Variants in PCDH9 observed in about 807,000 individuals in gnomAD.
The protein encoded by PCDH9 is protocadherin 9.
PCDH9 carries 24 observed loss-of-function variants against 70.6 expected under a neutral mutation model. The observed-to-expected ratio is 0.34, with a 90% confidence interval of 0.25 to 0.48. The LOEUF is 0.48. Ranked by LOEUF, PCDH9 falls within the 20% of genes least tolerant of loss-of-function variation. The pLI is 0.99. For synonymous variants in PCDH9, 562 were observed against 558.5 expected, an observed-to-expected ratio of 1.01 and a Z score of -0.09; for missense variants, 1,281 against 1,503.6, an observed-to-expected ratio of 0.85 and a Z score of 2.45.
chr13:66,312,043 G>GA (rs1955570468), intron 4 of PCDH9, among the ~76,000 whole-genome samples: 1 of 152,078 alleles, frequency 6.6e-6, no homozygotes, highest in Non-Finnish European at 1.5e-5. Flanking sequence ...GAATCGATAG[G>GA]AAAATCTCAA....
chr13:66,635,757 G>A (rs1401417473), intron 3 of PCDH9, among the ~76,000 whole-genome samples: 1 of 151,978 alleles, frequency 6.6e-6, no homozygotes, highest in African/African-American at 2.4e-5. Context: ...ATTCACAAGT[G>A]AATGACTCAC....
chr13:66,573,433 C>T (rs2076764398), intron 4 of PCDH9, among the ~76,000 whole-genome samples: 1 of 152,044 alleles, frequency 6.6e-6, no homozygotes. Flanking sequence ...GTATTAACCC[C>T]TTCTGAATCC....
intron 2 of PCDH9, chr13:67,207,919 A>G (rs1438029333): frequency 6.6e-6 from 1 of 152,174 alleles, no homozygotes; most frequent in Non-Finnish European, 1.5e-5. Context: ...CTTTTGTTCC[A>G]ATTCCTAATG....
intron 2 of PCDH9, among the ~76,000 whole-genome samples, chr13:67,147,071 T>C (rs1471911899): frequency 6.6e-6 from 1 of 152,194 alleles, no homozygotes; most frequent in Non-Finnish European, 1.5e-5. Context: ...AAAGATGCTC[T>C]AATGGACTGT....
intron 2 of PCDH9, among the ~76,000 whole-genome samples, chr13:67,165,775 A>G (rs1042100862): frequency 2.0e-5 from 3 of 152,226 alleles, no homozygotes; most frequent in African/African-American, 7.2e-5. Flanking sequence ...TATTTTAAAA[A>G]TACAAGTTTA....
intron 4 of PCDH9, among the ~76,000 whole-genome samples, chr13:66,596,966 G>A (rs73194761): frequency 0.16 from 24,491 of 150,572 alleles, 2,160 homozygotes; most frequent in Middle Eastern, 0.23. Context: ...TATGTATAGC[G>A]TTAGGTAGGG....
chr13:67,147,787 C>G (rs1461598838), intron 2 of PCDH9, among the ~76,000 whole-genome samples: 1 of 152,124 alleles, frequency 6.6e-6, no homozygotes, highest in Non-Finnish European at 1.5e-5. Flanking sequence ...CAGGAGAATG[C>G]CTTTGCAGAT....
At chr13:66,969,682 G>A (rs938816893) in intron 2 of PCDH9, among the ~76,000 whole-genome samples, 20 of 151,780 alleles carry the variant, frequency 1.3e-4, no homozygotes, top group African/African-American at 4.6e-4. Context: ...TCTCAGAAAC[G>A]TTTGTGCTTT....
At chr13:66,397,360 G>C (rs547426552) in intron 4 of PCDH9, among the ~76,000 whole-genome samples, 4 of 151,824 alleles carry the variant, frequency 2.6e-5, no homozygotes, top group Non-Finnish European at 4.4e-5. Context: ...TCAAGGCTTC[G>C]GTGAGCTGTG....
chr13:66,780,441 T>C (rs1222893192), intron 3 of PCDH9, among the ~76,000 whole-genome samples: 5 of 152,194 alleles, frequency 3.3e-5, no homozygotes. Flanking sequence ...ACTGCATGAC[T>C]CTGCTGTTGC....
rs145266354 is a variant in PCDH9 at position 66,385,373 on chromosome 13, A to T, written c.3341-80345T>A. 2.1e-3 allele frequency among the ~76,000 whole-genome samples: 320 copies of T among 152,300 alleles called. 1 individual carries two copies. The highest frequency in any genetic ancestry group is 7.2e-3 in the African/African-American group (299 of 41,572). On this transcript the variant is annotated intron_variant, in intron 4 of 4. Transcript: ENST00000377865. ...GAAGAATATGTGCACTGGATATCAGAAAAGGTAAAAAACTAATACATATAA... is the reference window on the plus strand; with the variant it reads ...GAAGAATATGTGCACTGGATATCAGTAAAGGTAAAAAACTAATACATATAA...
At chr13:66,321,419 G>T (rs977796103) in intron 4 of PCDH9, among the ~76,000 whole-genome samples, 1 of 151,976 alleles carries the variant, frequency 6.6e-6, no homozygotes. Flanking sequence ...ATGGAATCCA[G>T]GTGATTGAGC....
intron 3 of PCDH9, among the ~76,000 whole-genome samples, chr13:66,873,884 C>G (rs1454854318): frequency 6.6e-6 from 1 of 150,802 alleles, no homozygotes; most frequent in African/African-American, 2.4e-5. Flanking sequence ...TAAGGTCAAT[C>G]ACATCATTAC....
chr13:66,622,307 CG>C (rs1416516920), intron 4 of PCDH9, among the ~76,000 whole-genome samples: 2 of 152,226 alleles, frequency 1.3e-5, no homozygotes, highest in African/African-American at 2.4e-5. Context: ...CCAGTCCCAT[CG>C]ACCACCCAAG....
chr13:66,727,446 A>G (rs1008299649), intron 3 of PCDH9, among the ~76,000 whole-genome samples: 5 of 152,050 alleles, frequency 3.3e-5, no homozygotes, highest in African/African-American at 1.2e-4. Context: ...TTTCTTTTTC[A>G]AAAAAATAAA....
At chr13:66,533,880 C>G (rs950646680) in intron 4 of PCDH9, among the ~76,000 whole-genome samples, 4 of 152,094 alleles carry the variant, frequency 2.6e-5, no homozygotes, top group African/African-American at 9.7e-5. Flanking sequence ...CAGCCAATCA[C>G]ATTAAAATTG....
At chr13:66,828,452 T>C (rs946019234) in intron 3 of PCDH9, among the ~76,000 whole-genome samples, 1 of 152,210 alleles carries the variant, frequency 6.6e-6, no homozygotes, top group African/African-American at 2.4e-5. Flanking sequence ...GTACATGCTT[T>C]TTCTACCACT....
intron 2 of PCDH9, among the ~76,000 whole-genome samples, chr13:67,066,065 C>A (rs185892451): frequency 6.6e-6 from 1 of 152,088 alleles, no homozygotes; most frequent in Non-Finnish European, 1.5e-5. Context: ...ACACCCCTAC[C>A]TTAAGAAATT....
chr13:67,107,190 T>C (rs1413161697), intron 2 of PCDH9, among the ~76,000 whole-genome samples: 85 of 127,296 alleles, frequency 6.7e-4, no homozygotes, highest in Middle Eastern at 9.7e-3. Flanking sequence ...TTTTCATGGA[T>C]CTGCCCATGG....
Sources: gnomAD v4.1 joint callset for allele counts (sites outside exome capture counted in the v4.1 genomes callset) on GRCh38, gnomAD v4.1.1 for gene constraint, MANE v1.5 for transcripts, NCBI Gene and HGNC (gene_info 2026-07-23, HGNC 2026-07-21) for gene names.